The following NALF1 variants were observed in gnomAD, a reference collection of about 807,000 sequenced individuals.
The protein encoded by NALF1 is NALCN channel auxiliary factor 1, also known as family with sequence similarity 155 member A.
In NALF1, 3 loss-of-function variants were observed where a neutral mutation model predicts 48.4. That is an observed-to-expected ratio of 0.06 (90% CI 0.03 to 0.16). The LOEUF (loss-of-function observed/expected upper bound fraction) is 0.16. Ranked by LOEUF, NALF1 falls within the 10% of genes least tolerant of loss-of-function variation. NALF1 has a pLI of 1.00. For synonymous variants in NALF1, 262 were observed against 245.7 expected (o/e 1.07, Z -0.62); for missense variants, 526 against 571.5 (o/e 0.92, Z 0.81).
rs1171461096 is a variant in NALF1 at position 107,726,913 on chromosome 13, T to TTGTGTG, written c.915+138763_915+138768dup. 3.5e-3 allele frequency among the ~76,000 whole-genome samples: 438 copies of TTGTGTG among 126,434 alleles called. 2 individuals carry two copies. The highest frequency in any genetic ancestry group is 8.6e-3 in the African/African-American group (284 of 33,162). The allele number at this position is 126,434 out of a possible 152,430, so 82.9% of individuals were successfully genotyped here. ...GACACCACGCCCGGCCGGCAAATTC[T>TTGTGTG]TGTGTGTGTGTGTGTGTGTGTGTGT... On this transcript the variant is annotated intron_variant, in intron 1 of 2. Coordinates refer to ENST00000375915, the MANE Select transcript of NALF1 (RefSeq NM_001080396.3).
intron 1 of NALF1, among the ~76,000 whole-genome samples, chr13:107,316,439 T>A (rs1391532912): frequency 1.3e-5 from 2 of 152,172 alleles, no homozygotes; most frequent in Non-Finnish European, 2.9e-5. Context: ...GGTCAAATGG[T>A]ATTTCTCGTT....
intron 1 of NALF1, among the ~76,000 whole-genome samples, chr13:107,465,085 G>C (rs1884979580): frequency 6.6e-6 from 1 of 151,286 alleles, no homozygotes; most frequent in South Asian, 2.1e-4. Context: ...ACATTTATAT[G>C]TTTAATTACA....
intron 1 of NALF1, among the ~76,000 whole-genome samples, chr13:107,634,833 A>C (rs1879931720): frequency 6.6e-6 from 1 of 152,124 alleles, no homozygotes; most frequent in African/African-American, 2.4e-5. Context: ...ATAGCACTCT[A>C]CAGAGAGCAA....
chr13:107,347,756 A>G (rs1882801094), intron 1 of NALF1, among the ~76,000 whole-genome samples: 1 of 152,216 alleles, frequency 6.6e-6, no homozygotes, highest in South Asian at 2.1e-4. Flanking sequence ...GGGACCGCAA[A>G]TATTTTACTT....
chr13:107,733,967 G>A (rs887957172), intron 1 of NALF1, among the ~76,000 whole-genome samples: 2 of 152,070 alleles, frequency 1.3e-5, no homozygotes, highest in South Asian at 2.1e-4. Context: ...ATACCTAGGC[G>A]GTGTGGTATA....
intron 1 of NALF1, among the ~76,000 whole-genome samples, chr13:107,601,670 G>C (rs1056597460): frequency 6.6e-6 from 1 of 151,982 alleles, no homozygotes; most frequent in Non-Finnish European, 1.5e-5. Context: ...TGTCTCATTC[G>C]CAACTGTTTT....
intron 1 of NALF1, among the ~76,000 whole-genome samples, chr13:107,545,520 T>G (rs1877112608): frequency 6.6e-6 from 1 of 152,026 alleles, no homozygotes; most frequent in South Asian, 2.1e-4. Context: ...TGTGTTTATC[T>G]CAGGAAGGAA....
At chr13:107,703,120 C>G (rs1162951037) in intron 1 of NALF1, among the ~76,000 whole-genome samples, 1 of 152,094 alleles carries the variant, frequency 6.6e-6, no homozygotes, top group Non-Finnish European at 1.5e-5. Flanking sequence ...TACTAGTTTT[C>G]TATTATGGTG....
At chr13:107,234,717 AAAAC>A (rs1419332219) in intron 1 of NALF1, among the ~76,000 whole-genome samples, 1 of 151,542 alleles carries the variant, frequency 6.6e-6, no homozygotes, top group Non-Finnish European at 1.5e-5. Flanking sequence ...AAAAAAAACC[AAAAC>A]AAACAAAACA....
rs570122624 is a variant in NALF1 at position 107,770,301 on chromosome 13, G to A, written c.915+95381C>T. Among the ~76,000 whole-genome samples the A allele has an allele frequency of 9.0e-4, 137 of 152,298 alleles. 1 individual carries two copies. The highest frequency in any genetic ancestry group is 1.6e-3 in the Non-Finnish European group (106 of 68,020). Reference sequence around the variant, plus strand: ...TTGATTACTTATGCTGTTTGGAGCTGCCTAAAATTCAGAGGTAGTTGTTTA... The same window carrying A: ...TTGATTACTTATGCTGTTTGGAGCTACCTAAAATTCAGAGGTAGTTGTTTA... On this transcript the variant is annotated intron_variant, in intron 1 of 2. Transcript: ENST00000375915.
intron 1 of NALF1, among the ~76,000 whole-genome samples, chr13:107,480,083 G>A (rs1285560223): frequency 6.6e-6 from 1 of 152,140 alleles, no homozygotes; most frequent in Non-Finnish European, 1.5e-5. Context: ...CTAATCAGTA[G>A]AGGGGATCAC....
chr13:107,248,099 C>A (rs146866210), intron 1 of NALF1, among the ~76,000 whole-genome samples: 25 of 152,182 alleles, frequency 1.6e-4, no homozygotes, highest in African/African-American at 5.5e-4. Context: ...AATGTTATCA[C>A]CACTCTGCTG....
chr13:107,861,504 G>C (rs1222031375), intron 1 of NALF1, among the ~76,000 whole-genome samples: 1 of 152,164 alleles, frequency 6.6e-6, no homozygotes, highest in Non-Finnish European at 1.5e-5. Context: ...CTATTTCTTG[G>C]CCAGGCGCTG....
intron 1 of NALF1, among the ~76,000 whole-genome samples, chr13:107,844,104 CTCT>C (rs1880110582): frequency 6.6e-6 from 1 of 152,188 alleles, no homozygotes; most frequent in Non-Finnish European, 1.5e-5. Context: ...CTAAAGAAAC[CTCT>C]TTTTTGAAGG....
chr13:107,615,450 T>G (rs1306546505), intron 1 of NALF1, among the ~76,000 whole-genome samples: 1 of 152,184 alleles, frequency 6.6e-6, no homozygotes, highest in East Asian at 1.9e-4. Context: ...AAACCCTGCA[T>G]GAATTCACAA....
At chr13:107,323,911 A>C (rs1882302171) in intron 1 of NALF1, among the ~76,000 whole-genome samples, 1 of 152,046 alleles carries the variant, frequency 6.6e-6, no homozygotes, top group Non-Finnish European at 1.5e-5. Flanking sequence ...CCAGGAGTTG[A>C]TCAGCCTGAG....
At chr13:107,721,885 A>C (rs1210846679) in intron 1 of NALF1, among the ~76,000 whole-genome samples, 1 of 152,298 alleles carries the variant, frequency 6.6e-6, no homozygotes, top group East Asian at 1.9e-4. Flanking sequence ...CCGCAGATTC[A>C]TGAATATTTT....
Position 107,813,982 on chromosome 13 carries a change from T to C in NALF1, c.915+51700A>G, listed in dbSNP as rs185954309. Among the ~76,000 whole-genome samples the C allele has an allele frequency of 2.7e-3, 413 of 152,268 alleles. 8 individuals carry two copies. Among genetic ancestry groups the C allele is most frequent in the East Asian group, 1.2e-3 (6 of 5,172 alleles). Reference sequence around the variant, plus strand: ...CAAAATACATAGGTTTTTGAGCTTATGGCATGAGAAGATAATAGGGGGAGT... The same window carrying C: ...CAAAATACATAGGTTTTTGAGCTTACGGCATGAGAAGATAATAGGGGGAGT... On this transcript the variant is annotated intron_variant, in intron 1 of 2. Coordinates refer to ENST00000375915, the MANE Select transcript of NALF1 (RefSeq NM_001080396.3).
chr13:107,622,812 G>A (rs1237485827), intron 1 of NALF1, among the ~76,000 whole-genome samples: 1 of 152,112 alleles, frequency 6.6e-6, no homozygotes, highest in African/African-American at 2.4e-5. Flanking sequence ...ACAGTTCTCA[G>A]GAACTATTAT....
Sources: allele counts gnomAD v4.1 joint callset (sites outside exome capture counted in the v4.1 genomes callset), GRCh38; gene constraint gnomAD v4.1.1; transcripts MANE v1.5; gene names NCBI Gene and HGNC (gene_info 2026-07-23, HGNC 2026-07-21).